RNF213: variants seen among roughly 807,000 people sequenced by gnomAD.
RNF213 encodes the protein ring finger protein 213.
Under a neutral mutation model 514.4 loss-of-function variants are expected in RNF213, and 341 were observed. The observed-to-expected ratio is 0.66, with a 90% CI of 0.61 to 0.73. The LOEUF is 0.73. RNF213 is among the 30% of genes least tolerant of loss of function. The probability of loss-of-function intolerance (pLI) is 0.00; values close to 1 mark genes in which losing one functional copy is unlikely to be tolerated. For missense variants in RNF213, 5,767 were observed against 6,615.6 expected (o/e 0.87, Z 4.45); for synonymous variants, 2,655 against 2,658.2 (o/e 1.00, Z 0.04).
At position 80,354,427 on chromosome 17, in the gene RNF213, C is replaced by T. The variant is rs1411747812; in HGVS notation, c.10727-14C>T. On this transcript the variant is annotated splice_polypyrimidine_tract_variant and intron_variant, in intron 35 of 67. Transcript: ENST00000582970. ...CCACGGCCATGCTGAACGTCTGTTT[C>T]TGCCTTTGTACAGCCTCTTTCTTGC... 6.2e-7 allele frequency: 1 copy of T among 1,614,238 alleles called. No individual in the cohort carries two copies. Among genetic ancestry groups the T allele is most frequent in the South Asian group, 1.1e-5 (1 of 91,078 alleles).
chr17:80,317,518 C>T lies in RNF213; in HGVS notation c.2901+241C>T, dbSNP rs1468572653. Among the ~76,000 whole-genome samples, 3 of 152,144 alleles carry T rather than the reference C, an allele frequency of 2.0e-5. No individual in the cohort carries two copies. The highest frequency in any genetic ancestry group is 4.4e-5 in the Non-Finnish European group (3 of 68,022). On this transcript the variant is annotated intron_variant, in intron 16 of 67. Coordinates refer to ENST00000582970, the MANE Select transcript of RNF213 (RefSeq NM_001256071.3). The surrounding 1 kb of genome is among the most constrained non-coding windows in gnomAD (Gnocchi z 4.1). ...CCAGGATCTCACCATCATGGGGGTGCGGGATTTTTCCTGACCCCTTCGTTG... is the reference window on the plus strand; with the variant it reads ...CCAGGATCTCACCATCATGGGGGTGTGGGATTTTTCCTGACCCCTTCGTTG...
rs2046432536 is a variant in RNF213, at chr17:80,332,113, A to G, written c.3625A>G (p.Thr1209Ala). Residue 1209 changes from threonine to alanine, a missense_variant, in exon 21 of 68, where the codon ACG becomes GCG. Transcript: ENST00000582970. ...LSTSSNSQRA[T>A]HYHLSSQVQE... ...CACCTCCTCGAACTCGCAGAGGGCA[A>G]CGCATTACCACCTGAGCTCCCAGGT... The G allele has an allele frequency of 2.0e-6, 3 of 1,537,122 alleles. No individual in the cohort carries two copies. Among genetic ancestry groups the G allele is most frequent in the South Asian group, 1.2e-5 (1 of 84,066 alleles).
rs747767262 is a variant in RNF213, at chr17:80,372,585, A to T, written c.12602A>T (p.Glu4201Val). 6.2e-7 allele frequency: 1 copy of T among 1,613,840 alleles called. No individual in the cohort carries two copies. Among genetic ancestry groups the T allele is most frequent in the Admixed American group, 1.7e-5 (1 of 59,990 alleles). The change falls in exon 48 of 68, where the codon GAA becomes GTA. Residue 4201 changes from glutamate (E) to valine (V), a missense_variant. By Grantham distance (121) the Glu-to-Val change is moderately radical. Coordinates refer to ENST00000582970, the MANE Select transcript of RNF213 (RefSeq NM_001256071.3). ...GATGAACTGAACCACCTAGAAGAGG[A>T]AGGTCGTTTCCTTAAGGCATATTCT... ...RNDELNHLEE[E>V]GRFLKAYSPA...
At chr17:80,293,900 G>A (rs2044838589) in intron 8 of RNF213, among the ~76,000 whole-genome samples, 1 of 152,092 alleles carries the variant, frequency 6.6e-6, no homozygotes, top group African/African-American at 2.4e-5. Context: ...TGATGACCGA[G>A]TTGAGAACTA....
chr17:80,283,301 A>T (rs2044361793), intron 3 of RNF213, among the ~76,000 whole-genome samples: 1 of 151,876 alleles, frequency 6.6e-6, no homozygotes, highest in Admixed American at 6.6e-5. Context: ...TGAGGGGGTG[A>T]GCCTGGGGCT....
chr17:80,358,407 C>T lies in RNF213; in HGVS notation c.10982C>T (p.Ala3661Val), dbSNP rs1287970741. The change falls in exon 37 of 68, where the codon GCA (alanine) becomes GTA (valine). Residue 3661 changes from alanine (A) to valine (V), a missense_variant. Physicochemically the swap from Ala to Val is moderately conservative, Grantham distance 64 (BLOSUM62 0). Around this residue, in one of 13 missense-constraint regions of RNF213, gnomAD observed 919 missense variants for 1,121.0 expected, o/e 0.82. Coordinates refer to ENST00000582970, the MANE Select transcript of RNF213 (RefSeq NM_001256071.3). The stretch of plus-strand genomic sequence containing the variant: ...ACCAGGCCAGATACTCCGCCCTGGG[C>T]AAGAGATCTTTGGATGTTTATTTTC... Reference protein sequence around the residue: ...LLTRPDTPPWARDLWMFIFSD... With the variant: ...LLTRPDTPPWVRDLWMFIFSD... 1.9e-6 allele frequency: 3 copies of T among 1,613,992 alleles called. No homozygotes were observed. In the African/African-American group the frequency reaches 4.0e-5, roughly 22 times the overall value.
At position 80,315,799 on chromosome 17, in the gene RNF213, G is replaced by GAC. The variant is rs2045914859; in HGVS notation, c.2812-1389_2812-1388insAC. ...GGTGGTGGTGGTGGTGGTGGTGGTG[G>GAC]TGGAGGTGGTGGTGGTGGTGGTGGT... is the stretch of plus-strand genomic sequence containing the variant. On this transcript the variant is annotated intron_variant, in intron 15 of 67. Transcript: ENST00000582970. 2.9e-3 allele frequency: 129 copies of GAC among 44,004 alleles called. 45 individuals are homozygous for GAC. The highest frequency in any genetic ancestry group is 4.3e-3 in the South Asian group (5 of 1,156). 2.7% of individuals were successfully genotyped at this position (44,004 alleles called of 1,614,324 possible).
At chr17:80,278,436 G>A (rs775524126) in intron 3 of RNF213, among the ~76,000 whole-genome samples, 13 of 152,204 alleles carry the variant, frequency 8.5e-5, no homozygotes, top group Non-Finnish European at 1.2e-4. Flanking sequence ...GTGGAGGCCC[G>A]GGGCGCCGGG....
chr17:80,376,474 C>T lies in RNF213; in HGVS notation c.13359C>T (p.Val4453=). 6.2e-7 allele frequency: 1 copy of T among 1,614,188 alleles called. No individual in the cohort carries two copies. Among genetic ancestry groups the T allele is most frequent in the Non-Finnish European group, 8.5e-7 (1 of 1,180,040 alleles). ...AAATGGCCATTCATGCTGCAGCCGT[C>T]CTTCTGTGTGGACAGAATGAACTCT... ...VTEMAIHAAA[V]LLCGQNELLE... Residue 4453 remains valine (V), a synonymous_variant, in exon 52 of 68, where the codon GTC becomes GTT. Coordinates refer to ENST00000582970, the MANE Select transcript of RNF213 (RefSeq NM_001256071.3).
chr17:80,292,413 A>G (rs2044765263), intron 8 of RNF213, among the ~76,000 whole-genome samples: 1 of 152,180 alleles, frequency 6.6e-6, no homozygotes, highest in South Asian at 2.1e-4. Context: ...CGAAGCCAGA[A>G]GAAGGGCTGC....
chr17:80,265,044 G>GTTTGT (rs1567986297), intron 2 of RNF213, among the ~76,000 whole-genome samples: 5,951 of 110,832 alleles, frequency 0.054, 255 homozygotes, highest in East Asian at 0.2. Flanking sequence ...ATGTTTGTTT[G>GTTTGT]TTTTTTTTTT....
At chr17:80,384,923 A>C in intron 59 of RNF213, 116 bp from the exon 60 acceptor site, 1 of 1,089,260 alleles carries the variant, frequency 9.2e-7, no homozygotes, top group South Asian at 1.3e-5. Flanking sequence ...ACAGGAAATG[A>C]CACTGACCAG....
rs745555250 is a variant in RNF213, at chr17:80,376,595, T to C, written c.13428+52T>C. On this transcript the variant is annotated intron_variant, in intron 52 of 67. Transcript: ENST00000582970. The stretch of plus-strand genomic sequence containing the variant: ...CCTTCACTGGAACACCCCCCAGAGC[T>C]TGTCACTGTAGAGACCGAGCTGCAG... 41 of 1,612,542 alleles carry C rather than the reference T, an allele frequency of 2.5e-5. 1 individual carries two copies. In the South Asian group the frequency reaches 4.0e-4, roughly 16 times the overall value.
At chr17:80,280,083 T>C (rs2044204855) in intron 3 of RNF213, among the ~76,000 whole-genome samples, 1 of 151,708 alleles carries the variant, frequency 6.6e-6, no homozygotes, top group Non-Finnish European at 1.5e-5. Flanking sequence ...AAGGCAGGCA[T>C]GCTCTTTCCT....
At position 80,372,563 on chromosome 17, in the gene RNF213, G is replaced by T. The variant is rs1448410837; in HGVS notation, c.12580G>T (p.Glu4194Ter). ...EKTSAYSRND[E>*]LNHLEEEGRF... is the part of the protein sequence containing the mutation. ...GACCAGTGCTTACTCCAGAAATGAT[G>T]AACTGAACCACCTAGAAGAGGAAGG... The change falls in exon 48 of 68, where the codon GAA (glutamate) becomes TAA (stop). Residue 4194 changes from glutamate to a stop codon, truncating the protein, a stop_gained. Transcript: ENST00000582970. LOFTEE classifies it high-confidence loss of function. 1.2e-6 allele frequency: 2 copies of T among 1,613,998 alleles called. No homozygotes were observed. Among genetic ancestry groups the T allele is most frequent in the East Asian group, 2.2e-5 (1 of 44,872 alleles).
At chr17:80,307,242 C>T (rs765343052) in intron 13 of RNF213, 41 bp downstream of exon 13, 1 of 1,585,990 alleles carries the variant, frequency 6.3e-7, no homozygotes, top group Non-Finnish European at 8.7e-7. Flanking sequence ...TCACATGCGG[C>T]CCCCGGGGGC....
chr17:80,345,289 C>T lies in RNF213; in HGVS notation c.6954C>T (p.Ile2318=), dbSNP rs754358908. Residue 2318 remains isoleucine (I), a synonymous_variant, in exon 29 of 68, where the codon ATC becomes ATT. Coordinates refer to ENST00000582970, the MANE Select transcript of RNF213 (RefSeq NM_001256071.3). This position sits in a 1 kb window ranked among gnomAD's most constrained non-coding sequence, Gnocchi z 6.0. The part of the protein sequence containing the change: ...FNDDHTTMTF[I]GFHLQPNING... ...ACGACCACACAACCATGACATTCAT[C>T]GGCTTCCATCTGCAGCCCAACATCA... The T allele has an allele frequency of 5.0e-6, 8 of 1,614,112 alleles. No homozygotes were observed. The highest frequency in any genetic ancestry group is 2.2e-5 in the East Asian group (1 of 44,872).
At chr17:80,300,732 A>T (rs147554234) in intron 11 of RNF213, among the ~76,000 whole-genome samples, 1,697 of 151,832 alleles carry the variant, frequency 0.011, 32 homozygotes, top group African/African-American at 0.039. Context: ...TTGTATTTTT[A>T]GTAGAGATGG....
At chr17:80,374,980 GTGTT>G (rs2144541316) in intron 50 of RNF213, 1 of 256,222 alleles carries the variant, frequency 3.9e-6, no homozygotes, top group African/African-American at 2.2e-5. Context: ...ATATGCATGT[GTGTT>G]TAATAAAAAT....
Sources: allele counts gnomAD v4.1 joint callset (sites outside exome capture counted in the v4.1 genomes callset), GRCh38; gene constraint gnomAD v4.1.1; regional missense constraint gnomAD v4.1.1; non-coding constraint Gnocchi (gnomAD v3.1); transcripts MANE v1.5; gene names NCBI Gene and HGNC (gene_info 2026-07-23, HGNC 2026-07-21).